The following RNF135 variants were observed in gnomAD, a reference collection of about 807,000 sequenced individuals.
RNF135 encodes ring finger protein 135.
A neutral mutation model predicts 41.9 loss-of-function variants in RNF135; 46 were observed. The ratio of observed to expected loss-of-function variants is 1.10; its 90% CI spans 0.87 to 1.40. The LOEUF (loss-of-function observed/expected upper bound fraction) is 1.40, where lower values mean the gene tolerates loss of function less well. Among genes scored for constraint, RNF135 ranks in the 40% most tolerant of loss-of-function variants. The pLI is 0.00. For missense variants in RNF135, 539 were observed against 549.8 expected (o/e 0.98, Z 0.20); for synonymous variants, 238 against 223.8 (o/e 1.06, Z -0.57).
chr17:30,975,852 A>G (rs985208764), intron 1 of RNF135: 41 of 866,666 alleles, frequency 4.7e-5, no homozygotes, highest in Non-Finnish European at 7.8e-5. Flanking sequence ...GGCTGCTGCC[A>G]AGCTCCTAAC....
chr17:30,977,523 G>A (rs966516363), intron 1 of RNF135, among the ~76,000 whole-genome samples: 1 of 151,958 alleles, frequency 6.6e-6, no homozygotes, highest in Non-Finnish European at 1.5e-5. Flanking sequence ...ACAGGCATGC[G>A]CCACCATGCC....
intron 3 of RNF135, among the ~76,000 whole-genome samples, chr17:30,994,574 T>C (rs763475251): frequency 6.6e-6 from 1 of 152,102 alleles, no homozygotes; most frequent in Non-Finnish European, 1.5e-5. Context: ...TACTGTTAAG[T>C]ATGTTTACAT....
intron 1 of RNF135, among the ~76,000 whole-genome samples, chr17:30,979,754 C>T (rs1906876628): frequency 8.9e-6 from 1 of 112,340 alleles, no homozygotes; most frequent in African/African-American, 3.4e-5. Flanking sequence ...GCTGGCCGGG[C>T]AGGGGGCTGA....
At chr17:30,963,732 C>A in the RNF135 span, among the ~76,000 whole-genome samples, 17 of 152,222 alleles carry the variant, frequency 1.1e-4, no homozygotes, top group African/African-American at 4.1e-4. Context: ...CTTCTTTAAT[C>A]AAGGTATTAA....
intron 3 of RNF135, among the ~76,000 whole-genome samples, chr17:30,992,397 TAGAC>T (rs1328560364): frequency 3.3e-5 from 5 of 150,296 alleles, no homozygotes; most frequent in Admixed American, 1.3e-4. Flanking sequence ...TTAGAGACAA[TAGAC>T]AGAGTCTTGT....
chr17:30,998,981 C>A lies in RNF135; in HGVS notation c.1089C>A (p.Val363=), dbSNP rs1180396310. 6.2e-7 allele frequency: 1 copy of A among 1,614,110 alleles called. No individual in the cohort carries two copies. Among genetic ancestry groups the A allele is most frequent in the Admixed American group, 1.7e-5 (1 of 60,016 alleles). The change falls in exon 5 of 5, where the codon GTC becomes GTA. Residue 363 remains valine, a synonymous_variant. Transcript: ENST00000328381. ...GTSQLSAWHM[V]KETVLGSDRP... ...GCCAGCTCTCTGCATGGCACATGGT[C>A]AAGGAAACTGTCCTTGGCTCAGACA... is the stretch of plus-strand genomic sequence containing the variant.
rs529861197 is a variant in RNF135, at chr17:30,975,782, C to G, written c.372+4337C>G. 1.3e-4 allele frequency: 143 copies of G among 1,089,148 alleles called. No individual in the cohort carries two copies. The African/African-American group carries it at 1.7e-3, about 13-fold the overall frequency. 67.5% of individuals were successfully genotyped at this position (1,089,148 alleles called of 1,614,324 possible). On this transcript the variant is annotated intron_variant, in intron 1 of 4. Transcript: ENST00000328381. ...TCGGGTACCCTCTTTCCAGCTCATC[C>G]TGTACCCCAACATCAAGGTCCCTGC...
rs141588776 is a variant in RNF135, at chr17:30,990,122, T to C, written c.679+2016T>C. Among the ~76,000 whole-genome samples the C allele has an allele frequency of 6.3e-3, 954 of 152,312 alleles. 9 individuals are homozygous for C. Among genetic ancestry groups the C allele is most frequent in the African/African-American group, 0.022 (910 of 41,572 alleles). On this transcript the variant is annotated intron_variant, in intron 3 of 4. Coordinates refer to ENST00000328381, the MANE Select transcript of RNF135 (RefSeq NM_032322.4). Reference sequence around the variant, plus strand: ...TATCTGAGAAAGAAGCACCTTTGTATTCTGTGTGCTTCTAAACTTAGGTTG... The same window carrying C: ...TATCTGAGAAAGAAGCACCTTTGTACTCTGTGTGCTTCTAAACTTAGGTTG...
intron 1 of RNF135, among the ~76,000 whole-genome samples, chr17:30,982,422 C>G (rs1353015330): frequency 2.6e-5 from 4 of 152,208 alleles, no homozygotes; most frequent in African/African-American, 9.6e-5. Context: ...TTTCTATTCT[C>G]TTTATCACCA....
At chr17:30,959,435 A>G in the RNF135 span, 1 of 152,220 alleles carries the variant, frequency 6.6e-6, no homozygotes, top group South Asian at 2.1e-4. Flanking sequence ...CTATTACTTG[A>G]ATCAGTCCTG....
intron 1 of RNF135, among the ~76,000 whole-genome samples, chr17:30,983,353 A>ATATATTTTTTTTT (rs1420453160): frequency 2.2e-4 from 8 of 35,730 alleles, no homozygotes; most frequent in Non-Finnish European, 3.8e-4. Context: ...ATATATATAT[A>ATATATTTTTTTTT]TTTTTTTTTT....
At chr17:30,992,394 C>A (rs961320479) in intron 3 of RNF135, among the ~76,000 whole-genome samples, 10 of 148,626 alleles carry the variant, frequency 6.7e-5, no homozygotes, top group Admixed American at 3.4e-4. Context: ...TTTTTAGAGA[C>A]AATAGACAGA....
intron 1 of RNF135, 102 bp downstream of exon 1, chr17:30,971,547 T>G: frequency 7.3e-7 from 1 of 1,379,136 alleles, no homozygotes; most frequent in Non-Finnish European, 9.3e-7. Context: ...GTTCTACTTT[T>G]ACGTTCCTTT....
At chr17:30,996,615 G>A (rs1908366339) in intron 3 of RNF135, among the ~76,000 whole-genome samples, 1 of 152,140 alleles carries the variant, frequency 6.6e-6, no homozygotes, top group African/African-American at 2.4e-5. Context: ...ATTCACTGCA[G>A]CTGCTGTCAC....
chr17:30,963,762 C>T, the RNF135 span, among the ~76,000 whole-genome samples: 1 of 152,016 alleles, frequency 6.6e-6, no homozygotes, highest in Admixed American at 6.6e-5. Context: ...TCATGACTTT[C>T]TTCGTTTTTT....
chr17:30,975,715 G>T (rs558937251), intron 1 of RNF135: 1 of 1,416,112 alleles, frequency 7.1e-7, no homozygotes. Flanking sequence ...TACCCAGATT[G>T]CCCAACACTG....
rs149596946 is a variant in RNF135 at position 30,971,651 on chromosome 17, C to T, written c.372+206C>T. On this transcript the variant is annotated intron_variant, in intron 1 of 4. Coordinates refer to ENST00000328381, the MANE Select transcript of RNF135 (RefSeq NM_032322.4). ...AGAAAAAAACAAATTCCCCATCTTC[C>T]GAAAGCTTGTCAACTTAGCTGTTAC... 4.3e-5 allele frequency: 58 copies of T among 1,350,404 alleles called. No homozygotes were observed. The African/African-American group carries it at 7.4e-4, about 17-fold the overall frequency. The allele number at this position is 1,350,404 out of a possible 1,614,324, so 83.7% of individuals were successfully genotyped here. A position where few individuals can be genotyped will look rare whatever the true frequency, so the allele number is the denominator to read the frequency against.
At chr17:30,969,319 T>G (rs1163125434), upstream of RNF135, 5 of 152,256 alleles carry the variant, frequency 3.3e-5, no homozygotes. Context: ...ATGCGGAGAT[T>G]CTAGAACAAG....
chr17:30,996,080 A>G lies in RNF135; in HGVS notation c.680-1162A>G, dbSNP rs1252417589. Among the ~76,000 whole-genome samples the G allele has an allele frequency of 3.4e-5, 5 of 145,528 alleles. No individual in the cohort carries two copies. In the Admixed American group the frequency reaches 3.5e-4, roughly 10 times the overall value. ...GCGTGAGCCACCACGCCCAGGCAGA[A>G]TTCATTACTTTTTTTTTTTTTTTTT... On this transcript the variant is annotated intron_variant, in intron 3 of 4. Transcript: ENST00000328381.
Sources: allele counts gnomAD v4.1 joint callset (sites outside exome capture counted in the v4.1 genomes callset), GRCh38; gene constraint gnomAD v4.1.1; transcripts MANE v1.5; gene names NCBI Gene and HGNC (gene_info 2026-07-23, HGNC 2026-07-21).